TRIP13: variants seen among roughly 807,000 people sequenced by gnomAD.
TRIP13 encodes the protein pachytene checkpoint protein 2 homolog.
In TRIP13, 25 loss-of-function variants were observed where a neutral mutation model predicts 54.4. The observed-to-expected ratio is 0.46, with a 90% confidence interval of 0.33 to 0.64. The LOEUF is 0.64. TRIP13 is among the 30% of genes least tolerant of loss of function. The pLI is 0.02. For missense variants in TRIP13, 373 were observed against 534.2 expected (o/e 0.70, Z 2.97); for synonymous variants, 207 against 207.8 (o/e 1.00, Z 0.03).
chr5:893,349 C>T (rs564225570), intron 1 of TRIP13, among the ~76,000 whole-genome samples: 1 of 151,546 alleles, frequency 6.6e-6, no homozygotes, highest in South Asian at 2.1e-4. Flanking sequence ...GAGCCCCGAC[C>T]CGACCTCAGC....
At chr5:893,403 C>T (rs546799938) in intron 1 of TRIP13, among the ~76,000 whole-genome samples, 12 of 152,330 alleles carry the variant, frequency 7.9e-5, no homozygotes, top group Non-Finnish European at 1.5e-4. Context: ...GGCTGTCCTC[C>T]AGTGCATTGA....
Position 907,836 on chromosome 5 carries a change from T to C in TRIP13, c.673-152T>C, listed in dbSNP as rs1336773651. ...AGGCTGACCTCCTCCCATGCTGCCC[T>C]AGCTTCTCTGATTTAGGGAGCTTTC... On this transcript the variant is annotated intron_variant, in intron 7 of 12. Coordinates refer to ENST00000166345, the MANE Select transcript of TRIP13 (RefSeq NM_004237.4). This position sits in a 1 kb window ranked among gnomAD's most constrained non-coding sequence, Gnocchi z 4.1. 26 of 721,684 alleles carry C rather than the reference T, an allele frequency of 3.6e-5. No individual in the cohort carries two copies. The highest frequency in any genetic ancestry group is 6.0e-5 in the Non-Finnish European group (25 of 420,032). 44.7% of individuals were successfully genotyped at this position (721,684 alleles called of 1,614,324 possible).
chr5:918,311 C>T (rs535381967), downstream of TRIP13, among the ~76,000 whole-genome samples: 74 of 152,244 alleles, frequency 4.9e-4, no homozygotes, highest in African/African-American at 1.7e-3. The surrounding 1 kb of genome is among the most constrained non-coding windows in gnomAD (Gnocchi z 4.3). Flanking sequence ...CCACTCCTGC[C>T]GTGGAAAGCA....
chr5:913,306 G>A lies in TRIP13; in HGVS notation c.1021-1159G>A, dbSNP rs1391343567. On this transcript the variant is annotated intron_variant, in intron 10 of 12. Transcript: ENST00000166345. The surrounding 1 kb of genome is among the most constrained non-coding windows in gnomAD (Gnocchi z 4.5). ...AATCCAGGGGCTGTTTAAAGTGTTA[G>A]CTAAGAGGGATGGACTTTTTCTGGG... Among the ~76,000 whole-genome samples the A allele has an allele frequency of 6.6e-6, 1 of 152,184 alleles. No individual in the cohort carries two copies. Among genetic ancestry groups the A allele is most frequent in the Non-Finnish European group, 1.5e-5 (1 of 68,024 alleles).
At position 907,922 on chromosome 5, in the gene TRIP13, G is replaced by A; in HGVS notation, c.673-66G>A. The A allele has an allele frequency of 1.3e-6, 2 of 1,547,494 alleles. No individual in the cohort carries two copies. The highest frequency in any genetic ancestry group is 2.2e-5 in the East Asian group (1 of 44,544). ...CAACTGGGGCAGCAGGCCACATCAG[G>A]GTCCCCCTGTGCACCTGGCAGTGTG... On this transcript the variant is annotated intron_variant, in intron 7 of 12. Coordinates refer to ENST00000166345, the MANE Select transcript of TRIP13 (RefSeq NM_004237.4). The surrounding 1 kb of genome is among the most constrained non-coding windows in gnomAD (Gnocchi z 4.1).
At chr5:916,008 T>C in intron 12 of TRIP13, 35 bp downstream of exon 12, 1 of 1,602,224 alleles carries the variant, frequency 6.2e-7, no homozygotes, top group African/African-American at 1.3e-5. Flanking sequence ...GCACCCGCCC[T>C]GTCCACAGGT....
At chr5:916,917 T>C in intron 12 of TRIP13, 91 bp from the exon 13 acceptor site, 1 of 1,133,536 alleles carries the variant, frequency 8.8e-7, no homozygotes. Context: ...CTGTGCTATC[T>C]GCACTGTGGG....
chr5:909,159 G>A (rs866681326), intron 9 of TRIP13, among the ~76,000 whole-genome samples: 9 of 152,260 alleles, frequency 5.9e-5, no homozygotes, highest in South Asian at 2.1e-4. Flanking sequence ...AGACAGCTTC[G>A]TGTGCAGATG....
intron 5 of TRIP13, among the ~76,000 whole-genome samples, chr5:902,394 CAT>C (rs1197149952): frequency 1.3e-5 from 2 of 152,214 alleles, no homozygotes; most frequent in Non-Finnish European, 1.5e-5. Flanking sequence ...ATACTGCCCT[CAT>C]AGCACAGTCA....
chr5:919,292 A>G (rs1452626502), downstream of TRIP13: 1 of 152,262 alleles, frequency 6.6e-6, no homozygotes, highest in Admixed American at 6.5e-5. Flanking sequence ...AGCTCAGGCC[A>G]TCTGAGTTTG....
chr5:909,408 G>A (rs1487016422), intron 9 of TRIP13, among the ~76,000 whole-genome samples: 1 of 152,200 alleles, frequency 6.6e-6, no homozygotes, highest in African/African-American at 2.4e-5. Flanking sequence ...GGATTGTTGA[G>A]TGTGGGGTGA....
chr5:919,187 A>G (rs764952609), downstream of TRIP13: 1 of 152,226 alleles, frequency 6.6e-6, no homozygotes. Flanking sequence ...CCCCAGCTCC[A>G]GTATCACTGG....
In TRIP13 at chr5:900,503, A is replaced by C. The variant is rs1753961064; in HGVS notation, c.398A>C (p.His133Pro). Residue 133 changes from histidine (H) to proline (P), a missense_variant, in exon 4 of 13, where the codon CAT becomes CCT. Physicochemically the swap from His to Pro is moderately conservative, Grantham distance 77 (BLOSUM62 -2). Coordinates refer to ENST00000166345, the MANE Select transcript of TRIP13 (RefSeq NM_004237.4). ...TTTAATTCTGTCACAGCTGAATTCC[A>C]TGGGCTTTGGGACAGCTTGGTATAC... ...NHWVLPAAEF[H>P]GLWDSLVYDV... 1 of 1,611,894 alleles carries C rather than the reference A, an allele frequency of 6.2e-7. No homozygotes were observed. The highest frequency in any genetic ancestry group is 1.7e-5 in the Admixed American group (1 of 59,210).
At chr5:910,067 G>T (rs1402460645) in intron 9 of TRIP13, among the ~76,000 whole-genome samples, 1 of 152,190 alleles carries the variant, frequency 6.6e-6, no homozygotes, top group Admixed American at 6.5e-5. Context: ...GGTCCTGGAG[G>T]GGGGCCTCCC....
Position 904,179 on chromosome 5 carries a change from T to G in TRIP13, c.567T>G (p.Cys189Trp). 6.2e-7 allele frequency: 1 copy of G among 1,610,122 alleles called. No homozygotes were observed. Among genetic ancestry groups the G allele is most frequent in the Non-Finnish European group, 8.5e-7 (1 of 1,178,942 alleles). ...GPPGTGKTSLCKALAQKLTIR... is the reference protein window; with the variant it reads ...GPPGTGKTSLWKALAQKLTIR... Reference sequence around the variant, plus strand: ...CTGGCACTGGAAAAACATCCCTGTGTAAAGCGTTAGCCCAGAAATTGACAA... The same window carrying G: ...CTGGCACTGGAAAAACATCCCTGTGGAAAGCGTTAGCCCAGAAATTGACAA... The change falls in exon 6 of 13, where the codon TGT becomes TGG. Residue 189 changes from cysteine to tryptophan, a missense_variant. Around this residue, in one of 4 missense-constraint regions of TRIP13, gnomAD observed 119 missense variants for 223.0 expected, o/e 0.53. Transcript: ENST00000166345.
Position 917,694 on chromosome 5 carries a change from T to C in TRIP13, c.*591T>C, listed in dbSNP as rs1754366739. ...CGGTAAAGTGTTCTTTCATAATAAA[T>C]AATCAGACATGGTCCCATTTGCAGG... On this transcript the variant is annotated 3_prime_UTR_variant, in exon 13 of 13. Transcript: ENST00000166345. 6.6e-6 allele frequency: 1 copy of C among 152,256 alleles called. No homozygotes were observed. The highest frequency in any genetic ancestry group is 2.1e-4 in the South Asian group (1 of 4,828). The allele number at this position is 152,256 out of a possible 1,614,324, so 9.4% of individuals were successfully genotyped here. A position where few individuals can be genotyped will look rare whatever the true frequency, so the allele number is the denominator to read the frequency against.
In TRIP13 at chr5:912,655, TGA is replaced by T. The variant is rs1196107383; in HGVS notation, c.1020+661_1020+662del. 6.6e-6 allele frequency among the ~76,000 whole-genome samples: 1 copy of T among 150,784 alleles called. No individual in the cohort carries two copies. Among genetic ancestry groups the T allele is most frequent in the African/African-American group, 2.4e-5 (1 of 40,848 alleles). ...GGCACAATGACATGTGCGGTGAGTG[TGA>T]GTCAGTAAGGCCGTCGCCATGGGCA... is the stretch of plus-strand genomic sequence containing the variant. On this transcript the variant is annotated intron_variant, in intron 10 of 12. Coordinates refer to ENST00000166345, the MANE Select transcript of TRIP13 (RefSeq NM_004237.4). This position sits in a 1 kb window ranked among gnomAD's most constrained non-coding sequence, Gnocchi z 7.2.
chr5:919,151 G>A (rs1375489098), downstream of TRIP13: 1 of 152,228 alleles, frequency 6.6e-6, no homozygotes, highest in Non-Finnish European at 1.5e-5. Flanking sequence ...AGTTATGGAG[G>A]ATGAGTATGG....
chr5:900,781 A>G (rs1367865650), intron 4 of TRIP13, among the ~76,000 whole-genome samples: 2 of 152,156 alleles, frequency 1.3e-5, no homozygotes, highest in Non-Finnish European at 2.9e-5. Flanking sequence ...GGCAACTTAG[A>G]GAATTAAACC....
Sources: gnomAD v4.1 joint callset for allele counts (sites outside exome capture counted in the v4.1 genomes callset) on GRCh38, gnomAD v4.1.1 for gene constraint, gnomAD v4.1.1 regional missense constraint, Gnocchi (gnomAD v3.1) non-coding constraint, MANE v1.5 for transcripts, NCBI Gene and HGNC (gene_info 2026-07-23, HGNC 2026-07-21) for gene names.